VDAC1: variants seen among roughly 807,000 people sequenced by gnomAD.
VDAC1 encodes voltage dependent anion channel 1, also known as non-selective voltage-gated ion channel VDAC1.
A neutral mutation model predicts 34.7 loss-of-function variants in VDAC1; 10 were observed. That is an observed-to-expected ratio of 0.29 (90% CI 0.18 to 0.49). VDAC1 has a LOEUF of 0.49. VDAC1 is among the 20% of genes least tolerant of loss of function. The probability of loss-of-function intolerance (pLI) is 0.99; values close to 1 mark genes in which losing one functional copy is unlikely to be tolerated. For missense variants in VDAC1, 230 were observed against 347.9 expected (o/e 0.66, Z 2.69); for synonymous variants, 130 against 136.0 (o/e 0.96, Z 0.30).
the VDAC1 span, among the ~76,000 whole-genome samples, chr5:134,075,068 C>A: frequency 6.4e-4 from 97 of 152,322 alleles, 2 homozygotes; most frequent in Non-Finnish European, 7.5e-4. Flanking sequence ...TCTGGATACA[C>A]TATTCACACT....
chr5:134,105,165 C>A, the VDAC1 span, among the ~76,000 whole-genome samples: 3 of 152,218 alleles, frequency 2.0e-5, no homozygotes, highest in African/African-American at 4.8e-5. Flanking sequence ...CCACCAGAAG[C>A]TCTGCAGCCC....
chr5:134,055,593 T>TGTTTTTTTTTTG, the VDAC1 span, among the ~76,000 whole-genome samples: 2 of 33,968 alleles, frequency 5.9e-5, no homozygotes, highest in African/African-American at 1.6e-4. Flanking sequence ...CTAATGTTTT[T>TGTTTTTTTTTTG]TTTTTTTTTT....
the VDAC1 span, among the ~76,000 whole-genome samples, chr5:134,017,493 C>T: frequency 6.6e-6 from 1 of 151,878 alleles, no homozygotes; most frequent in African/African-American, 2.4e-5. Context: ...GCTCTGGCTT[C>T]CTTGCTAGAG....
chr5:134,110,300 G>T, the VDAC1 span, among the ~76,000 whole-genome samples: 1 of 152,192 alleles, frequency 6.6e-6, no homozygotes, highest in African/African-American at 2.4e-5. Context: ...AAGTCCGAGG[G>T]ATGGAGCAGG....
At chr5:134,020,155 T>G in the VDAC1 span, among the ~76,000 whole-genome samples, 1 of 151,744 alleles carries the variant, frequency 6.6e-6, no homozygotes, top group Admixed American at 6.6e-5. Flanking sequence ...ACTCATTCAG[T>G]CCCACCTTTT....
intron 1 of VDAC1, among the ~76,000 whole-genome samples, chr5:133,998,661 T>C (rs1372626900): frequency 6.6e-6 from 1 of 152,228 alleles, no homozygotes; most frequent in Admixed American, 6.5e-5. Flanking sequence ...CCATACAGAT[T>C]GCAAGAACAG....
At chr5:134,056,932 C>G in the VDAC1 span, among the ~76,000 whole-genome samples, 107 of 151,992 alleles carry the variant, frequency 7.0e-4, 1 homozygote, top group Middle Eastern at 0.017. Context: ...CCGCTCCCCC[C>G]TCTCCACCAG....
At chr5:134,046,526 A>G in the VDAC1 span, among the ~76,000 whole-genome samples, 1 of 152,178 alleles carries the variant, frequency 6.6e-6, no homozygotes, top group East Asian at 1.9e-4. Flanking sequence ...GTTTTGCCAT[A>G]TAAGGTAACA....
intron 1 of VDAC1, among the ~76,000 whole-genome samples, chr5:133,996,729 G>A (rs915847681): frequency 1.2e-4 from 19 of 152,204 alleles, no homozygotes; most frequent in Non-Finnish European, 1.2e-4. Flanking sequence ...GAGTGAATGA[G>A]CAATGAGCAT....
At chr5:133,983,454 G>A (rs1445824442) in intron 5 of VDAC1, among the ~76,000 whole-genome samples, 1 of 152,034 alleles carries the variant, frequency 6.6e-6, no homozygotes, top group Non-Finnish European at 1.5e-5. Context: ...AACATGATTG[G>A]CCACAGGTTG....
the VDAC1 span, among the ~76,000 whole-genome samples, chr5:134,035,908 A>G: frequency 1.3e-5 from 2 of 150,818 alleles, no homozygotes; most frequent in African/African-American, 4.9e-5. Context: ...AGGGAGGCTG[A>G]GGCAGGAGAA....
At chr5:134,103,733 G>T in the VDAC1 span, among the ~76,000 whole-genome samples, 1 of 152,220 alleles carries the variant, frequency 6.6e-6, no homozygotes, top group Admixed American at 6.5e-5. Flanking sequence ...AACATAAAAC[G>T]AAATGTTTAC....
the VDAC1 span, among the ~76,000 whole-genome samples, chr5:134,075,567 T>G: frequency 6.6e-6 from 1 of 152,090 alleles, no homozygotes; most frequent in East Asian, 1.9e-4. Flanking sequence ...ATACTGGTTT[T>G]TTGTTTGTTT....
chr5:134,075,880 C>T, the VDAC1 span, among the ~76,000 whole-genome samples: 1 of 152,106 alleles, frequency 6.6e-6, no homozygotes. Context: ...CCACCGTGCC[C>T]GGCCCTTGCT....
chr5:134,060,396 T>C, the VDAC1 span, among the ~76,000 whole-genome samples: 1 of 151,892 alleles, frequency 6.6e-6, no homozygotes, highest in Non-Finnish European at 1.5e-5. Flanking sequence ...AATAGTAAGG[T>C]CAGTACACAT....
At chr5:134,107,230 G>A in the VDAC1 span, among the ~76,000 whole-genome samples, 1 of 152,220 alleles carries the variant, frequency 6.6e-6, no homozygotes, top group South Asian at 2.1e-4. Context: ...ACTGCTCACA[G>A]CCTCAGAGGG....
the VDAC1 span, among the ~76,000 whole-genome samples, chr5:134,019,306 A>G: frequency 6.6e-6 from 1 of 152,200 alleles, no homozygotes; most frequent in Non-Finnish European, 1.5e-5. Flanking sequence ...GGCCAGCCAC[A>G]GTAGCTCCCA....
chr5:134,078,010 A>G, the VDAC1 span, among the ~76,000 whole-genome samples: 2 of 152,204 alleles, frequency 1.3e-5, no homozygotes, highest in Admixed American at 1.3e-4. Flanking sequence ...CCTGGGAGGC[A>G]GGGGAGAGGT....
At chr5:134,006,434 T>C (rs1357176856), upstream of VDAC1, among the ~76,000 whole-genome samples, 1 of 152,054 alleles carries the variant, frequency 6.6e-6, no homozygotes, top group Non-Finnish European at 1.5e-5. Context: ...GCGCCACCTC[T>C]CAACTCCGCT....
Sources: allele counts gnomAD v4.1 joint callset (sites outside exome capture counted in the v4.1 genomes callset), GRCh38; gene constraint gnomAD v4.1.1; transcripts MANE v1.5; gene names NCBI Gene and HGNC (gene_info 2026-07-23, HGNC 2026-07-21).